The following CDH12 variants were observed in gnomAD, a reference collection of about 807,000 sequenced individuals.
CDH12 encodes cadherin 12, also known as cadherin-12.
Under a neutral mutation model 74.1 loss-of-function variants are expected in CDH12, and 41 were observed. The observed-to-expected ratio is 0.55, with a 90% CI of 0.43 to 0.72. The LOEUF (loss-of-function observed/expected upper bound fraction) is 0.72, where lower values mean the gene tolerates loss of function less well. CDH12 is among the 30% of genes least tolerant of loss of function. The pLI is 0.00. For missense variants in CDH12, 945 were observed against 977.2 expected (o/e 0.97, Z 0.44); for synonymous variants, 399 against 355.0 (o/e 1.12, Z -1.39).
chr5:21,793,910 ATAAC>A (rs1214453868), intron 10 of CDH12, among the ~76,000 whole-genome samples: 3 of 150,064 alleles, frequency 2.0e-5, no homozygotes, highest in Admixed American at 6.7e-5. Context: ...TATATTTAAA[ATAAC>A]TATTTTAATA....
chr5:22,837,984 T>A (rs181076360), intron 1 of CDH12, among the ~76,000 whole-genome samples: 2 of 152,256 alleles, frequency 1.3e-5, no homozygotes, highest in Non-Finnish European at 2.9e-5. Flanking sequence ...TGATTGAGAA[T>A]TGACCAGAAA....
chr5:22,659,534 A>G (rs1252349388), intron 1 of CDH12, among the ~76,000 whole-genome samples: 1 of 152,100 alleles, frequency 6.6e-6, no homozygotes, highest in East Asian at 1.9e-4. Context: ...TACTGTGCAC[A>G]TATATATAAT....
At chr5:22,434,719 T>C (rs1561401531) in intron 2 of CDH12, among the ~76,000 whole-genome samples, 1 of 152,188 alleles carries the variant, frequency 6.6e-6, no homozygotes, top group Non-Finnish European at 1.5e-5. Flanking sequence ...AATTCCATTG[T>C]CCATTTTAAG....
At chr5:22,725,320 G>C (rs190047407) in intron 1 of CDH12, among the ~76,000 whole-genome samples, 1 of 151,914 alleles carries the variant, frequency 6.6e-6, no homozygotes, top group East Asian at 1.9e-4. Context: ...TATATACAAT[G>C]GATGAGCCAT....
chr5:21,880,682 TC>T (rs1561268913), intron 6 of CDH12, among the ~76,000 whole-genome samples: 27 of 139,070 alleles, frequency 1.9e-4, no homozygotes, highest in African/African-American at 6.3e-4. Context: ...TTTCTTTCTT[TC>T]TTTCTTTCTC....
intron 1 of CDH12, among the ~76,000 whole-genome samples, chr5:22,565,978 G>T (rs1043200304): frequency 6.6e-6 from 1 of 152,038 alleles, no homozygotes; most frequent in Admixed American, 6.5e-5. Context: ...CATGGAAGCC[G>T]ATTTCTAAAT....
At chr5:21,882,817 A>C in intron 6 of CDH12, 1 of 1,555,574 alleles carries the variant, frequency 6.4e-7, no homozygotes. Flanking sequence ...GTAACAAAAG[A>C]TGGTGTGACT....
At chr5:22,044,640 G>A (rs1262275085) in intron 5 of CDH12, among the ~76,000 whole-genome samples, 3 of 152,084 alleles carry the variant, frequency 2.0e-5, no homozygotes, top group Admixed American at 6.6e-5. Context: ...AGAATAGCAC[G>A]CATAGAAACA....
chr5:22,335,262 G>T (rs142645257), intron 3 of CDH12, among the ~76,000 whole-genome samples: 4 of 152,264 alleles, frequency 2.6e-5, no homozygotes, highest in African/African-American at 9.6e-5. Context: ...GAGGGACCCC[G>T]TGGGAGATGA....
intron 5 of CDH12, among the ~76,000 whole-genome samples, chr5:22,047,285 TA>T (rs1740019669): frequency 6.6e-6 from 1 of 152,206 alleles, no homozygotes; most frequent in Non-Finnish European, 1.5e-5. Context: ...TCTCTTACTG[TA>T]ACTTATAGAC....
intron 4 of CDH12, among the ~76,000 whole-genome samples, chr5:22,178,864 C>T (rs910894063): frequency 2.0e-5 from 3 of 152,240 alleles, no homozygotes; most frequent in African/African-American, 4.8e-5. Flanking sequence ...GAATATATTG[C>T]ACTTTAATAA....
chr5:22,630,494 C>T (rs759619115), intron 1 of CDH12, among the ~76,000 whole-genome samples: 52 of 152,136 alleles, frequency 3.4e-4, no homozygotes, highest in Admixed American at 5.9e-4. Flanking sequence ...AAAATCTCCA[C>T]CTACAAGCAT....
At chr5:22,676,814 A>C (rs1257088324) in intron 1 of CDH12, among the ~76,000 whole-genome samples, 1 of 151,028 alleles carries the variant, frequency 6.6e-6, no homozygotes, top group East Asian at 2.0e-4. Context: ...ATAAAAATGC[A>C]TGACTTCTTT....
chr5:22,018,697 T>C lies in CDH12; in HGVS notation c.232-43312A>G, dbSNP rs146513336. Among the ~76,000 whole-genome samples the C allele has an allele frequency of 6.6e-5, 10 of 152,332 alleles. No individual in the cohort carries two copies. In the East Asian group the frequency reaches 1.9e-3, roughly 29 times the overall value. On this transcript the variant is annotated intron_variant, in intron 5 of 14. Coordinates refer to ENST00000382254, the MANE Select transcript of CDH12 (RefSeq NM_004061.5). ...TTCCAACAGATAGCACTTTCTAGTG[T>C]TGTGCTAGAAATCAATGGCAACATT...
Position 22,033,291 on chromosome 5 carries a change from G to A in CDH12, c.231+45155C>T, listed in dbSNP as rs556830618. ...AGCAAGGTTGGAAATAAAATCTATT[G>A]TCCAAGATTTTGTTTCTCCACAATT... On this transcript the variant is annotated intron_variant, in intron 5 of 14. Transcript: ENST00000382254. 7.2e-5 allele frequency among the ~76,000 whole-genome samples: 11 copies of A among 152,186 alleles called. No homozygotes were observed. In the East Asian group the frequency reaches 2.1e-3, roughly 29 times the overall value.
chr5:22,021,325 C>T (rs1314842141), intron 5 of CDH12, among the ~76,000 whole-genome samples: 2 of 152,122 alleles, frequency 1.3e-5, no homozygotes, highest in African/African-American at 4.8e-5. Flanking sequence ...CTGATTAGAT[C>T]TGTTCCACCT....
Position 22,093,784 on chromosome 5 carries a change from C to T in CDH12, c.-186-14922G>A, listed in dbSNP as rs149453860. On this transcript the variant is annotated intron_variant, in intron 4 of 14. Transcript: ENST00000382254. ...ATTGTGTGATATGGAAGTTATATCG[C>T]AATAAAGTTGTTTAAAAAATGACTT... Among the ~76,000 whole-genome samples, 38 of 152,152 alleles carry T rather than the reference C, an allele frequency of 2.5e-4. No homozygotes were observed. The East Asian group carries it at 5.6e-3, about 22-fold the overall frequency.
chr5:22,001,539 G>C (rs1736602372), intron 5 of CDH12, among the ~76,000 whole-genome samples: 1 of 151,936 alleles, frequency 6.6e-6, no homozygotes, highest in Non-Finnish European at 1.5e-5. Flanking sequence ...TACATGTGCA[G>C]GTAAATTGAG....
chr5:22,443,656 A>T (rs1297721597), intron 2 of CDH12, among the ~76,000 whole-genome samples: 5 of 152,138 alleles, frequency 3.3e-5, no homozygotes, highest in Admixed American at 3.3e-4. Flanking sequence ...AAACAAACTT[A>T]TATTCATCCC....
Sources: gnomAD v4.1 joint callset for allele counts (sites outside exome capture counted in the v4.1 genomes callset) on GRCh38, gnomAD v4.1.1 for gene constraint, MANE v1.5 for transcripts, NCBI Gene and HGNC (gene_info 2026-07-23, HGNC 2026-07-21) for gene names.